Variants in APBB2 observed in about 807,000 individuals in gnomAD.
APBB2 encodes Fe65-like 1.
APBB2 carries 38 observed loss-of-function variants against 82.5 expected under a neutral mutation model. That is an observed-to-expected ratio of 0.46 (90% CI 0.36 to 0.60). APBB2 has a LOEUF of 0.60. Ranked by LOEUF, APBB2 falls within the 20% of genes least tolerant of loss-of-function variation. The pLI is 0.00. For missense variants in APBB2, 772 were observed against 972.3 expected (o/e 0.79, Z 2.74); for synonymous variants, 341 against 368.2 (o/e 0.93, Z 0.85).
rs1745490389 is a variant in APBB2 at position 40,815,956 on chromosome 4, A to C, written c.*136T>G. 1.0e-6 allele frequency: 1 copy of C among 952,392 alleles called. No homozygotes were observed. The highest frequency in any genetic ancestry group is 1.6e-6 in the Non-Finnish European group (1 of 621,710). 59.0% of individuals were successfully genotyped at this position (952,392 alleles called of 1,614,324 possible). ...CAAGACGAGAGAACATGCTTGTCTA[A>C]CACTGCTTGGTTAAGGGTAAATTCT... is the stretch of plus-strand genomic sequence containing the variant. On this transcript the variant is annotated 3_prime_UTR_variant, in exon 18 of 18. Coordinates refer to ENST00000508593, the MANE Select transcript of APBB2 (RefSeq NM_004307.2).
chr4:41,073,251 A>G (rs1452038372), intron 3 of APBB2, among the ~76,000 whole-genome samples: 3 of 152,048 alleles, frequency 2.0e-5, no homozygotes, highest in Non-Finnish European at 4.4e-5. Flanking sequence ...TTTTCAGAGT[A>G]AAAAAAACCT....
Position 40,944,965 on chromosome 4 carries a change from G to A in APBB2, c.944C>T (p.Thr315Met), listed in dbSNP as rs542675817. The change falls in exon 7 of 18, where the codon ACG becomes ATG. Residue 315 changes from threonine to methionine, a missense_variant. Thr to Met is a moderately conservative substitution (Grantham distance 81). Transcript: ENST00000508593. ...GGAGACGGGCCGTTCCCACTGAGTC[G>A]TTCCTGTTGGGATGTGCCAATAATA... The part of the protein sequence containing the change: ...GTYYWHIPTG[T>M]TQWERPVSIP... 29 of 1,612,966 alleles carry A rather than the reference G, an allele frequency of 1.8e-5. No individual in the cohort carries two copies. In the South Asian group the frequency reaches 2.3e-4, roughly 13 times the overall value.
rs1404484781 is a variant in APBB2 at position 41,096,138 on chromosome 4, GA to G, written c.-149+4500del. On this transcript the variant is annotated intron_variant, in intron 3 of 17. Transcript: ENST00000508593. ...TTCAGTTCCAGCTCTTCAATGCAGTGAACATACTTCCTGATTTCTCAGCTGA... is the reference window on the plus strand; with the variant it reads ...TTCAGTTCCAGCTCTTCAATGCAGTGACATACTTCCTGATTTCTCAGCTGA... Among the ~76,000 whole-genome samples, 7 of 152,280 alleles carry G rather than the reference GA, an allele frequency of 4.6e-5. No homozygotes were observed. The East Asian group carries it at 1.3e-3, about 29-fold the overall frequency.
chr4:41,059,830 A>G (rs1180485446), intron 4 of APBB2, among the ~76,000 whole-genome samples: 1 of 145,488 alleles, frequency 6.9e-6, no homozygotes, highest in African/African-American at 2.5e-5. Context: ...ACACCTCTAT[A>G]TTTCTGTGTG....
intron 2 of APBB2, among the ~76,000 whole-genome samples, chr4:41,104,530 T>A (rs1567233): frequency 0.15 from 23,483 of 152,196 alleles, 1,991 homozygotes; most frequent in Non-Finnish European, 0.19. Flanking sequence ...GCAGGTTTGT[T>A]ATCTGGATAA....
chr4:41,104,845 G>A (rs28575597), intron 2 of APBB2, among the ~76,000 whole-genome samples: 193 of 152,210 alleles, frequency 1.3e-3, no homozygotes, highest in African/African-American at 4.2e-3. Flanking sequence ...TCTTTTTTAC[G>A]GCTGCATAGT....
intron 6 of APBB2, among the ~76,000 whole-genome samples, chr4:40,998,203 CT>C (rs1466707998): frequency 6.6e-6 from 1 of 152,160 alleles, no homozygotes; most frequent in Non-Finnish European, 1.5e-5. Flanking sequence ...TAATGGAAGA[CT>C]TTTCTAATGA....
intron 12 of APBB2, among the ~76,000 whole-genome samples, chr4:40,851,730 ATATATATATT>A (rs1332472364): frequency 8.3e-4 from 25 of 30,026 alleles, no homozygotes; most frequent in African/African-American, 3.4e-3. Flanking sequence ...ATATATATAT[ATATATATATT>A]TTTTTTTTTT....
intron 12 of APBB2, among the ~76,000 whole-genome samples, chr4:40,867,816 G>A (rs572546113): frequency 6.7e-6 from 1 of 150,322 alleles, no homozygotes; most frequent in African/African-American, 2.4e-5. Context: ...AATTATCAGG[G>A]AGCTGATCTA....
intron 6 of APBB2, among the ~76,000 whole-genome samples, chr4:40,985,282 T>TAA (rs34177316): frequency 5.0e-4 from 76 of 151,146 alleles, no homozygotes; most frequent in African/African-American, 9.2e-4. Flanking sequence ...TGTCTTTTCT[T>TAA]AAAAAAAAAT....
At position 40,815,781 on chromosome 4, in the gene APBB2, G is replaced by C. The variant is rs1745429374; in HGVS notation, c.*311C>G. On this transcript the variant is annotated 3_prime_UTR_variant, in exon 18 of 18. Transcript: ENST00000508593. Reference sequence around the variant, plus strand: ...CCAAGGACGCAGCGTTAGTTCACTAGGAGGGGTGGGGCCACACTCTTCTCT... The same window carrying C: ...CCAAGGACGCAGCGTTAGTTCACTACGAGGGGTGGGGCCACACTCTTCTCT... 1 of 282,226 alleles carries C rather than the reference G, an allele frequency of 3.5e-6. No homozygotes were observed. The highest frequency in any genetic ancestry group is 4.6e-5 in the Admixed American group (1 of 21,810). 17.5% of individuals were successfully genotyped at this position (282,226 alleles called of 1,614,324 possible). A position where few individuals can be genotyped will look rare whatever the true frequency, so the allele number is the denominator to read the frequency against.
chr4:41,192,136 T>A (rs1056150884), intron 1 of APBB2, among the ~76,000 whole-genome samples: 1 of 152,166 alleles, frequency 6.6e-6, no homozygotes, highest in Non-Finnish European at 1.5e-5. Flanking sequence ...AGTCAAGAGA[T>A]AACAAATGTT....
chr4:40,893,453 T>A (rs745631663), intron 10 of APBB2, 42 bp from the exon 11 acceptor site: 1 of 1,567,150 alleles, frequency 6.4e-7, no homozygotes, highest in South Asian at 1.2e-5. Context: ...CTCCATGGTT[T>A]GGTCAATCAT....
chr4:41,180,324 G>T (rs1389045633), intron 1 of APBB2, among the ~76,000 whole-genome samples: 1 of 152,136 alleles, frequency 6.6e-6, no homozygotes, highest in African/African-American at 2.4e-5. Context: ...AGTAAACTTG[G>T]CTGGACACAG....
chr4:40,872,814 A>G (rs539093538), intron 12 of APBB2, among the ~76,000 whole-genome samples: 1 of 151,874 alleles, frequency 6.6e-6, no homozygotes, highest in African/African-American at 2.4e-5. Context: ...CGCCGGGTGC[A>G]GTGGTTCACA....
At chr4:40,890,669 C>T (rs982584197) in intron 11 of APBB2, among the ~76,000 whole-genome samples, 178 bp from the exon 12 acceptor site, 5 of 151,994 alleles carry the variant, frequency 3.3e-5, no homozygotes, top group Non-Finnish European at 7.4e-5. Flanking sequence ...TCAGTTTCCC[C>T]TCATACACCC....
chr4:40,976,287 C>A (rs1015407375), intron 6 of APBB2, among the ~76,000 whole-genome samples: 16 of 151,982 alleles, frequency 1.1e-4, no homozygotes, highest in South Asian at 2.1e-4. Context: ...CCAAAAATCC[C>A]AGTTTCATAG....
intron 12 of APBB2, among the ~76,000 whole-genome samples, chr4:40,858,311 G>C (rs544610331): frequency 6.6e-6 from 1 of 152,008 alleles, no homozygotes; most frequent in Non-Finnish European, 1.5e-5. Context: ...CTGGGCAAGC[G>C]TAAGTTATTT....
intron 12 of APBB2, among the ~76,000 whole-genome samples, chr4:40,833,044 C>A (rs947562202): frequency 3.3e-5 from 5 of 152,188 alleles, no homozygotes; most frequent in African/African-American, 1.2e-4. Flanking sequence ...CAGCCTCAAC[C>A]ACCATCAAGG....
Sources: gnomAD v4.1 joint callset for allele counts (sites outside exome capture counted in the v4.1 genomes callset) on GRCh38, gnomAD v4.1.1 for gene constraint, MANE v1.5 for transcripts, NCBI Gene and HGNC (gene_info 2026-07-23, HGNC 2026-07-21) for gene names.